The following SVEP1 variants were observed in gnomAD, a reference collection of about 807,000 sequenced individuals.
SVEP1 encodes the protein sushi, von Willebrand factor type A, EGF and pentraxin domain-containing protein 1.
A neutral mutation model predicts 367.3 loss-of-function variants in SVEP1; 164 were observed. The observed-to-expected ratio is 0.45, with a 90% confidence interval of 0.39 to 0.51. The LOEUF (loss-of-function observed/expected upper bound fraction) is 0.51. Among genes scored for constraint, SVEP1 ranks in the 20% least tolerant of loss-of-function variants. The pLI, the probability that SVEP1 is intolerant of heterozygous loss-of-function variation, is 0.00. For missense variants in SVEP1, 4,117 were observed against 4,425.3 expected (o/e 0.93, Z 1.98); for synonymous variants, 1,666 against 1,611.6 (o/e 1.03, Z -0.81).
chr9:110,376,656 C>A (rs1827354854), intron 45 of SVEP1, among the ~76,000 whole-genome samples: 2 of 152,108 alleles, frequency 1.3e-5, no homozygotes, highest in African/African-American at 4.8e-5. Context: ...AATATGAAAC[C>A]ATTTTATCCT....
At chr9:110,452,548 G>C (rs73655349) in intron 22 of SVEP1, among the ~76,000 whole-genome samples, 3,656 of 152,290 alleles carry the variant, frequency 0.024, 139 homozygotes, top group African/African-American at 0.083. Flanking sequence ...ATCTGGATGT[G>C]GTTCCAGCTG....
intron 17 of SVEP1, among the ~76,000 whole-genome samples, chr9:110,467,848 C>T (rs1274960751): frequency 2.6e-5 from 4 of 152,076 alleles, no homozygotes; most frequent in African/African-American, 9.7e-5. Context: ...GTTGCCCAGG[C>T]TGGCCTTGAA....
At chr9:110,385,527 C>G (rs1043549502) in intron 43 of SVEP1, among the ~76,000 whole-genome samples, 1 of 152,146 alleles carries the variant, frequency 6.6e-6, no homozygotes, top group Admixed American at 6.5e-5. Flanking sequence ...GATGCAGGCT[C>G]AAGTTTGAGA....
intron 22 of SVEP1, among the ~76,000 whole-genome samples, chr9:110,454,052 G>A (rs1445036505): frequency 6.6e-6 from 1 of 151,864 alleles, no homozygotes; most frequent in Non-Finnish European, 1.5e-5. Context: ...TATTTAATGA[G>A]GTTATTTGTA....
intron 3 of SVEP1, among the ~76,000 whole-genome samples, chr9:110,544,060 G>A (rs1482056782): frequency 6.6e-6 from 1 of 152,004 alleles, no homozygotes; most frequent in East Asian, 1.9e-4. Context: ...TGGGATCAAG[G>A]CCAGAGGAAG....
rs778134673 is a variant in SVEP1, at chr9:110,408,367, C to T, written c.7233G>A (p.Gly2411=). The stretch of plus-strand genomic sequence containing the variant: ...TGGTAGAATTTCCTCTTAGGAAAAA[C>T]CCACCTACACAAGAATACTTGACAG... ...GSTVKYSCVG[G]FFLRGNSTTL... Residue 2411 remains glycine, a synonymous_variant, in exon 38 of 48, where the codon GGG becomes GGA. Coordinates refer to ENST00000374469, the MANE Select transcript of SVEP1 (RefSeq NM_153366.4). 3 of 1,613,842 alleles carry T rather than the reference C, an allele frequency of 1.9e-6. No individual in the cohort carries two copies. The Admixed American group carries it at 5.0e-5, about 27-fold the overall frequency.
chr9:110,375,528 C>T (rs1411405712), intron 45 of SVEP1, 65 bp from the exon 46 acceptor site: 4 of 1,357,178 alleles, frequency 2.9e-6, no homozygotes, highest in Non-Finnish European at 4.0e-6. Context: ...GATCAAAGTA[C>T]ACATCTTAGA....
chr9:110,368,640 AT>A (rs1306848937), intron 47 of SVEP1, among the ~76,000 whole-genome samples: 2 of 152,206 alleles, frequency 1.3e-5, no homozygotes, highest in Admixed American at 6.5e-5. Context: ...ATCTAATATT[AT>A]AAAAAAGTAC....
At chr9:110,465,802 C>T in intron 18 of SVEP1, 63 bp downstream of exon 18, 1 of 1,530,998 alleles carries the variant, frequency 6.5e-7, no homozygotes, top group Non-Finnish European at 8.9e-7. Context: ...GAAAATATGC[C>T]ACTCCTTCAT....
chr9:110,453,736 G>C (rs1828734322), intron 22 of SVEP1, among the ~76,000 whole-genome samples: 1 of 151,998 alleles, frequency 6.6e-6, no homozygotes, highest in Admixed American at 6.6e-5. Context: ...GGGCATGGTG[G>C]CATGCGCCTG....
At position 110,482,433 on chromosome 9, in the gene SVEP1, T is replaced by C; in HGVS notation, c.2098A>G (p.Thr700Ala). The stretch of plus-strand genomic sequence containing the variant: ...TCAGTGGCTGTATACTGTACTATAG[T>C]CTCCCCTTGAGGGAAAAGGTCTCCT... ...TQGDLFPQGE[T>A]IVQYTATDPS... The change falls in exon 11 of 48, where the codon ACT becomes GCT. Residue 700 changes from threonine to alanine, a missense_variant. Transcript: ENST00000374469. The C allele has an allele frequency of 6.2e-7, 1 of 1,606,926 alleles. No individual in the cohort carries two copies. Among genetic ancestry groups the C allele is most frequent in the Non-Finnish European group, 8.5e-7 (1 of 1,176,378 alleles).
intron 43 of SVEP1, among the ~76,000 whole-genome samples, chr9:110,380,009 A>T (rs540381326): frequency 6.6e-6 from 1 of 152,280 alleles, no homozygotes; most frequent in African/African-American, 2.4e-5. Context: ...GTGAATGAAT[A>T]TTGTCTCTAG....
At chr9:110,449,888 A>G (rs1414429045) in intron 24 of SVEP1, among the ~76,000 whole-genome samples, 171 bp downstream of exon 24, 1 of 152,190 alleles carries the variant, frequency 6.6e-6, no homozygotes, top group African/African-American at 2.4e-5. Flanking sequence ...GCTCTACTTC[A>G]GGCTTAGTGA....
intron 21 of SVEP1, among the ~76,000 whole-genome samples, chr9:110,455,979 C>G (rs1038082426): frequency 6.6e-6 from 1 of 152,102 alleles, no homozygotes; most frequent in East Asian, 1.9e-4. Context: ...TAAAATGGAG[C>G]CAGGAATTAT....
intron 17 of SVEP1, among the ~76,000 whole-genome samples, chr9:110,468,150 C>G (rs1828966407): frequency 6.6e-6 from 1 of 152,162 alleles, no homozygotes; most frequent in African/African-American, 2.4e-5. Context: ...CCAGAATGGC[C>G]TAACACACCA....
At chr9:110,478,770 G>A (rs562027791) in intron 13 of SVEP1, among the ~76,000 whole-genome samples, 4 of 152,200 alleles carry the variant, frequency 2.6e-5, no homozygotes, top group Non-Finnish European at 4.4e-5. Flanking sequence ...TACTTGTAAC[G>A]TGCTTGGCAT....
intron 3 of SVEP1, among the ~76,000 whole-genome samples, chr9:110,537,037 C>A (rs1177549139): frequency 6.6e-6 from 1 of 151,900 alleles, no homozygotes; most frequent in Non-Finnish European, 1.5e-5. Flanking sequence ...GTTTCAAATT[C>A]TTCAATTTCA....
At chr9:110,542,641 G>C (rs987878679) in intron 3 of SVEP1, among the ~76,000 whole-genome samples, 2 of 152,136 alleles carry the variant, frequency 1.3e-5, no homozygotes, top group African/African-American at 2.4e-5. Context: ...CAGTTAGACT[G>C]TAAGTCCCAA....
At chr9:110,437,101 C>T (rs1260148561) in intron 27 of SVEP1, among the ~76,000 whole-genome samples, 1 of 152,106 alleles carries the variant, frequency 6.6e-6, no homozygotes, top group East Asian at 1.9e-4. Flanking sequence ...GCTTTGTGTC[C>T]CAAAGGTTGT....
Sources: allele counts gnomAD v4.1 joint callset (sites outside exome capture counted in the v4.1 genomes callset), GRCh38; gene constraint gnomAD v4.1.1; transcripts MANE v1.5; gene names NCBI Gene and HGNC (gene_info 2026-07-23, HGNC 2026-07-21).